Variants in LYPD6B observed in about 807,000 individuals in gnomAD.
LYPD6B encodes ly6/PLAUR domain-containing protein 6B.
A neutral mutation model predicts 22.8 loss-of-function variants in LYPD6B; 17 were observed. That is an observed-to-expected ratio of 0.75 (90% CI 0.51 to 1.12). The LOEUF is 1.12. Among genes scored for constraint, LYPD6B ranks in the 50% most tolerant of loss-of-function variants. The pLI, the probability that LYPD6B is intolerant of heterozygous loss-of-function variation, is 0.00. For synonymous variants in LYPD6B, 106 were observed against 91.6 expected (o/e 1.16, Z -0.90); for missense variants, 221 against 258.3 (o/e 0.86, Z 0.99).
intron 1 of LYPD6B, among the ~76,000 whole-genome samples, chr2:149,092,854 T>C (rs920310580): frequency 6.6e-6 from 1 of 152,156 alleles, no homozygotes; most frequent in African/African-American, 2.4e-5. Flanking sequence ...CCTCAAGGTA[T>C]TTTTTATTTT....
At chr2:149,075,965 G>A (rs1024230866) in intron 1 of LYPD6B, among the ~76,000 whole-genome samples, 3 of 152,196 alleles carry the variant, frequency 2.0e-5, no homozygotes, top group Non-Finnish European at 4.4e-5. Flanking sequence ...CCAGTGCTAC[G>A]GCTGATGAGG....
chr2:149,214,191 G>A (rs1694051966), intron 6 of LYPD6B, among the ~76,000 whole-genome samples: 1 of 152,136 alleles, frequency 6.6e-6, no homozygotes, highest in Non-Finnish European at 1.5e-5. Context: ...AATCCGAAAG[G>A]TTCCTAGCTT....
intron 1 of LYPD6B, among the ~76,000 whole-genome samples, chr2:149,059,516 G>T (rs575695000): frequency 9.9e-5 from 15 of 152,238 alleles, no homozygotes; most frequent in Non-Finnish European, 2.2e-4. Flanking sequence ...GGGGTGTTGA[G>T]CAGTTTAATT....
At chr2:149,048,923 A>G (rs536250430) in intron 1 of LYPD6B, among the ~76,000 whole-genome samples, 53 of 152,296 alleles carry the variant, frequency 3.5e-4, no homozygotes, top group South Asian at 8.3e-4. Context: ...AAGGAAACAC[A>G]GATTTTGGGC....
chr2:149,107,885 G>T (rs1276508996), intron 1 of LYPD6B, among the ~76,000 whole-genome samples: 2 of 152,184 alleles, frequency 1.3e-5, no homozygotes, highest in Non-Finnish European at 1.5e-5. Context: ...AATCAAGTTA[G>T]TTGATAGTAT....
chr2:149,151,531 G>A (rs75476965), intron 2 of LYPD6B, among the ~76,000 whole-genome samples: 2,586 of 152,216 alleles, frequency 0.017, 81 homozygotes, highest in African/African-American at 0.059. Flanking sequence ...GGAGGTCTAA[G>A]TTATTCTGTC....
intron 1 of LYPD6B, among the ~76,000 whole-genome samples, chr2:149,079,605 T>G (rs1375331614): frequency 6.6e-6 from 1 of 152,338 alleles, no homozygotes; most frequent in East Asian, 1.9e-4. Flanking sequence ...CCATTTCTAT[T>G]CGTATTCTCT....
chr2:149,207,708 C>T (rs2106156667), intron 4 of LYPD6B, among the ~76,000 whole-genome samples: 1 of 152,192 alleles, frequency 6.6e-6, no homozygotes, highest in African/African-American at 2.4e-5. Context: ...GATGAGATTA[C>T]ATGTTTGAGG....
intron 1 of LYPD6B, among the ~76,000 whole-genome samples, chr2:149,081,506 C>A (rs1053765382): frequency 6.6e-6 from 1 of 152,144 alleles, no homozygotes; most frequent in Non-Finnish European, 1.5e-5. Flanking sequence ...GTTGGCTGAG[C>A]CTGCTTGGGT....
chr2:149,060,193 G>T (rs1453704406), intron 1 of LYPD6B, among the ~76,000 whole-genome samples: 1 of 152,176 alleles, frequency 6.6e-6, no homozygotes, highest in Non-Finnish European at 1.5e-5. Flanking sequence ...ACTTTGCAAG[G>T]CCATTTAGCA....
intron 1 of LYPD6B, among the ~76,000 whole-genome samples, chr2:149,106,538 C>T (rs992866019): frequency 6.6e-6 from 1 of 152,168 alleles, no homozygotes; most frequent in South Asian, 2.1e-4. Flanking sequence ...TATATTTAAT[C>T]TATGTTTTTG....
At chr2:149,202,437 T>G (rs1693225123) in intron 3 of LYPD6B, among the ~76,000 whole-genome samples, 1 of 152,186 alleles carries the variant, frequency 6.6e-6, no homozygotes, top group Non-Finnish European at 1.5e-5. Flanking sequence ...CCCTTGATTC[T>G]TTGCTTGGCT....
intron 1 of LYPD6B, among the ~76,000 whole-genome samples, chr2:149,119,500 T>C (rs563710427): frequency 6.6e-6 from 1 of 152,338 alleles, no homozygotes; most frequent in South Asian, 2.1e-4. Context: ...TCCTGTCTTT[T>C]GACATGTACC....
chr2:149,195,972 G>A (rs191538681), intron 3 of LYPD6B, among the ~76,000 whole-genome samples: 4 of 152,158 alleles, frequency 2.6e-5, no homozygotes, highest in Admixed American at 6.5e-5. Context: ...TCCAGAGGCC[G>A]GTTTCTCCCC....
intron 3 of LYPD6B, among the ~76,000 whole-genome samples, chr2:149,194,980 T>C (rs1575160119): frequency 6.6e-6 from 1 of 152,118 alleles, no homozygotes; most frequent in Non-Finnish European, 1.5e-5. Context: ...TTGCTGAAAA[T>C]GGAGTTCTCA....
chr2:149,067,374 C>A (rs1440465615), intron 1 of LYPD6B, among the ~76,000 whole-genome samples: 1 of 151,824 alleles, frequency 6.6e-6, no homozygotes, highest in African/African-American at 2.4e-5. Flanking sequence ...ATTTAAACAT[C>A]TTTTAAAAAG....
At chr2:149,126,932 A>AT (rs34809542) in intron 1 of LYPD6B, among the ~76,000 whole-genome samples, 80 of 141,062 alleles carry the variant, frequency 5.7e-4, no homozygotes, top group African/African-American at 7.6e-4. Context: ...CCTTCTGGTC[A>AT]TTTTTTTTTT....
At chr2:149,191,392 C>T (rs542874113) in intron 3 of LYPD6B, among the ~76,000 whole-genome samples, 1 of 151,712 alleles carries the variant, frequency 6.6e-6, no homozygotes, top group South Asian at 2.1e-4. Flanking sequence ...GGTATGTATC[C>T]AACCATATTT....
At chr2:149,134,520 G>A (rs1575035497) in intron 2 of LYPD6B, among the ~76,000 whole-genome samples, 1 of 152,216 alleles carries the variant, frequency 6.6e-6, no homozygotes, top group African/African-American at 2.4e-5. Context: ...TAAATGTAGA[G>A]TTGTTTTACT....
Sources: gnomAD v4.1 joint callset for allele counts (sites outside exome capture counted in the v4.1 genomes callset) on GRCh38, gnomAD v4.1.1 for gene constraint, MANE v1.5 for transcripts, NCBI Gene and HGNC (gene_info 2026-07-23, HGNC 2026-07-21) for gene names.